Variants in DDB1 observed in about 807,000 individuals in gnomAD.
DDB1 encodes damage specific DNA binding protein 1.
In DDB1, 18 loss-of-function variants were observed where a neutral mutation model predicts 133.1. That is an observed-to-expected ratio of 0.14 (90% CI 0.09 to 0.20). DDB1 has a LOEUF of 0.20. Ranked by LOEUF, DDB1 falls within the 10% of genes least tolerant of loss-of-function variation. The probability of loss-of-function intolerance (pLI) is 1.00; values close to 1 mark genes in which losing one functional copy is unlikely to be tolerated. For missense variants in DDB1, 828 were observed against 1,459.2 expected, an observed-to-expected ratio of 0.57 and a Z score of 7.05; for synonymous variants, 580 against 550.5, an observed-to-expected ratio of 1.05 and a Z score of -0.75.
chr11:61,309,425 AATATAAACACAG>A (rs773705759), intron 20 of DDB1, among the ~76,000 whole-genome samples: 4 of 152,160 alleles, frequency 2.6e-5, no homozygotes, highest in African/African-American at 4.8e-5. Context: ...AAGATATTAA[AATATAAACACAG>A]AGTTGAAGCT....
At chr11:61,326,195 A>C (rs1304048998) in intron 5 of DDB1, 1 of 227,790 alleles carries the variant, frequency 4.4e-6, no homozygotes, top group African/African-American at 2.4e-5. Context: ...AGGAGTGAAG[A>C]GGCCTGGATT....
intron 26 of DDB1, 55 bp downstream of exon 26, chr11:61,300,754 T>C: frequency 1.2e-6 from 2 of 1,604,010 alleles, no homozygotes; most frequent in Non-Finnish European, 1.7e-6. Context: ...TCTCCTGGCA[T>C]GCCCCAACCT....
At chr11:61,316,610 C>G in intron 10 of DDB1, 43 bp from the exon 11 acceptor site, 5 of 1,599,670 alleles carry the variant, frequency 3.1e-6, no homozygotes, top group Non-Finnish European at 4.3e-6. Context: ...GACAGACCAA[C>G]ACTTAGCATG....
chr11:61,321,715 G>A lies in DDB1; in HGVS notation c.1123-18C>T, dbSNP rs369882378. 1.8e-5 allele frequency: 29 copies of A among 1,611,380 alleles called. 1 individual carries two copies. The highest frequency in any genetic ancestry group is 1.2e-4 in the Admixed American group (7 of 59,998). Reference sequence around the variant, plus strand: ...GTGACCAGCTGCAAGCAGAGAAAACGTTTCTAAAGAACCCCCTCAAGATAC... The same window carrying A: ...GTGACCAGCTGCAAGCAGAGAAAACATTTCTAAAGAACCCCCTCAAGATAC... On this transcript the variant is annotated intron_variant, in intron 9 of 26. Transcript: ENST00000301764.
At chr11:61,330,605 T>C (rs971544524) in intron 2 of DDB1, among the ~76,000 whole-genome samples, 24 of 152,190 alleles carry the variant, frequency 1.6e-4, no homozygotes, top group African/African-American at 5.5e-4. Flanking sequence ...TGGTGGTGAT[T>C]TGGATGAAAA....
At chr11:61,308,021 C>A (rs931381642) in intron 21 of DDB1, among the ~76,000 whole-genome samples, 1 of 152,226 alleles carries the variant, frequency 6.6e-6, no homozygotes, top group Non-Finnish European at 1.5e-5. Context: ...TACCCCTGCT[C>A]CCCTACAGTC....
Position 61,309,860 on chromosome 11 carries a change from T to G in DDB1, c.2502A>C (p.Ala834=). ...DPNTYFIVGT[A]MVYPEEAEPK... ...GCTCTGCCTCTTCAGGATACACCAT[T>G]GCTGTGCCCACAATGAAGTAAGTGT... Residue 834 remains alanine (A), a synonymous_variant, in exon 20 of 27, where the codon GCA becomes GCC. Coordinates refer to ENST00000301764, the MANE Select transcript of DDB1 (RefSeq NM_001923.5). 1 of 1,614,172 alleles carries G rather than the reference T, an allele frequency of 6.2e-7. No homozygotes were observed.
At chr11:61,318,196 A>C (rs576619012) in intron 10 of DDB1, among the ~76,000 whole-genome samples, 1 of 152,346 alleles carries the variant, frequency 6.6e-6, no homozygotes, top group East Asian at 1.9e-4. Context: ...TCATTTATCT[A>C]TAATTATTAA....
chr11:61,328,131 A>T (rs1002696376), intron 4 of DDB1, among the ~76,000 whole-genome samples: 1 of 152,232 alleles, frequency 6.6e-6, no homozygotes, highest in African/African-American at 2.4e-5. Flanking sequence ...TCAAAGTTTT[A>T]ATGACCTAAT....
At chr11:61,322,567 G>T in intron 8 of DDB1, 155 bp from the exon 9 acceptor site, 2 of 641,472 alleles carry the variant, frequency 3.1e-6, no homozygotes, top group Non-Finnish European at 5.5e-6. Context: ...GACTATTGAC[G>T]AAAGAATATG....
chr11:61,323,392 C>T lies in DDB1; in HGVS notation c.922-298G>A, dbSNP rs28720284. On this transcript the variant is annotated intron_variant, in intron 7 of 26. Transcript: ENST00000301764. ...ACTTTTTGGGAGCCTCCTCCCAGAA[C>T]TGAAATCAGCAATAATCTTTTTTTT... 2,923 of 359,954 alleles carry T rather than the reference C, an allele frequency of 8.1e-3. 25 individuals are homozygous for T. Among genetic ancestry groups the T allele is most frequent in the Non-Finnish European group, 0.01 (1,971 of 195,938 alleles). The allele number at this position is 359,954 out of a possible 1,614,324, so 22.3% of individuals were successfully genotyped here.
rs1856439505 is a variant in DDB1, at chr11:61,333,096, G to A, written c.-128C>T. On this transcript the variant is annotated 5_prime_UTR_variant, in exon 1 of 27. In the 5' UTR this introduces an upstream ATG that the reference lacks. Transcript: ENST00000301764. The stretch of plus-strand genomic sequence containing the variant: ...GCCGCTGCCTCCGCCCCAGAGACAC[G>A]TTGCAGGCCAGAGCGGCCGGGGCGC... The A allele has an allele frequency of 3.4e-6, 3 of 869,818 alleles. No homozygotes were observed. Among genetic ancestry groups the A allele is most frequent in the Non-Finnish European group, 4.8e-6 (3 of 619,038 alleles). The allele number at this position is 869,818 out of a possible 1,614,324, so 53.9% of individuals were successfully genotyped here.
intron 23 of DDB1, 56 bp from the exon 24 acceptor site, chr11:61,302,807 G>A (rs1699139179): frequency 6.2e-7 from 1 of 1,607,166 alleles, no homozygotes; most frequent in African/African-American, 1.3e-5. Flanking sequence ...CACAGGCCCT[G>A]AGACAGGACC....
intron 26 of DDB1, 149 bp downstream of exon 26, chr11:61,300,660 T>C: frequency 5.3e-6 from 7 of 1,311,946 alleles, no homozygotes; most frequent in Non-Finnish European, 7.3e-6. Flanking sequence ...CTCTTTTCCC[T>C]CAGACTCCAC....
At chr11:61,331,391 GAGGGATTGCTTGAGCTC>G in intron 2 of DDB1, 135 bp downstream of exon 2, 13 of 1,011,496 alleles carry the variant, frequency 1.3e-5, no homozygotes, top group Non-Finnish European at 1.7e-5. Flanking sequence ...GGCTAAAGTG[GAGGGATTGCTTGAGCTC>G]AGGAGTTCAA....
At chr11:61,328,159 C>A (rs905632517) in intron 4 of DDB1, among the ~76,000 whole-genome samples, 4 of 152,150 alleles carry the variant, frequency 2.6e-5, no homozygotes, top group African/African-American at 9.7e-5. Context: ...AACTAAAGAA[C>A]ATAGAGAAAT....
chr11:61,300,990 C>G, intron 25 of DDB1, 58 bp from the exon 26 acceptor site: 1 of 1,605,358 alleles, frequency 6.2e-7, no homozygotes, highest in Non-Finnish European at 8.5e-7. Flanking sequence ...TCAGTCATCC[C>G]CACCTTTGAA....
chr11:61,322,640 T>C, intron 8 of DDB1: 1 of 550,924 alleles, frequency 1.8e-6, no homozygotes, highest in Non-Finnish European at 3.2e-6. Context: ...ATGGATGGAT[T>C]TCAGAGAAGT....
intron 2 of DDB1, 87 bp downstream of exon 2, chr11:61,331,456 G>T (rs1045881033): frequency 6.5e-7 from 1 of 1,546,926 alleles, no homozygotes; most frequent in African/African-American, 1.4e-5. Flanking sequence ...CCGTCTCAAA[G>T]AAAATAAATA....
Sources: gnomAD v4.1 joint callset for allele counts (sites outside exome capture counted in the v4.1 genomes callset) on GRCh38, gnomAD v4.1.1 for gene constraint, MANE v1.5 for transcripts, NCBI Gene and HGNC (gene_info 2026-07-23, HGNC 2026-07-21) for gene names.